MGAT4C: variants seen among roughly 807,000 people sequenced by gnomAD.
The protein encoded by MGAT4C is MGAT4 family member C.
In MGAT4C, 19 loss-of-function variants were observed where a neutral mutation model predicts 40.1. That is an observed-to-expected ratio of 0.47 (90% CI 0.33 to 0.70). MGAT4C has a LOEUF of 0.70. Ranked by LOEUF, MGAT4C falls within the 30% of genes least tolerant of loss-of-function variation. The probability of loss-of-function intolerance (pLI) is 0.02; values close to 1 mark genes in which losing one functional copy is unlikely to be tolerated. For missense variants in MGAT4C, 491 were observed against 563.2 expected (o/e 0.87, Z 1.30); for synonymous variants, 181 against 187.1 (o/e 0.97, Z 0.27).
At chr12:86,260,871 C>T (rs1952643727), upstream of MGAT4C, among the ~76,000 whole-genome samples, 1 of 151,766 alleles carries the variant, frequency 6.6e-6, no homozygotes, top group Admixed American at 6.6e-5. Flanking sequence ...AAATTTTTCC[C>T]ATATCCCATT....
chr12:86,642,220 C>A (rs951182556), intron 2 of MGAT4C, among the ~76,000 whole-genome samples: 2 of 151,748 alleles, frequency 1.3e-5, no homozygotes, highest in African/African-American at 4.8e-5. Flanking sequence ...ATTTGTTCAA[C>A]CTATTAGCTA....
chr12:86,498,161 G>GT (rs1301286965), intron 2 of MGAT4C, among the ~76,000 whole-genome samples: 1 of 150,874 alleles, frequency 6.6e-6, no homozygotes, highest in East Asian at 1.9e-4. Context: ...TGGGGCATTT[G>GT]TTTTTCCCTA....
chr12:86,107,611 C>G (rs1201723611), intron 1 of MGAT4C, among the ~76,000 whole-genome samples: 3 of 152,066 alleles, frequency 2.0e-5, no homozygotes, highest in Non-Finnish European at 4.4e-5. Context: ...AATTAGAGAA[C>G]AAAATGTACA....
chr12:86,358,709 A>C (rs948080885), intron 3 of MGAT4C, among the ~76,000 whole-genome samples: 3 of 152,202 alleles, frequency 2.0e-5, no homozygotes, highest in Admixed American at 6.5e-5. Context: ...TTAAACCAAC[A>C]AAGACCAAAA....
chr12:86,264,188 G>A (rs1161736292), intron 4 of MGAT4C, among the ~76,000 whole-genome samples: 3 of 151,826 alleles, frequency 2.0e-5, no homozygotes, highest in Non-Finnish European at 4.4e-5. Context: ...TTTAGTTTAA[G>A]TTCAGTTTGT....
At chr12:86,255,647 C>A (rs557204790) in intron 1 of MGAT4C, among the ~76,000 whole-genome samples, 2 of 152,064 alleles carry the variant, frequency 1.3e-5, no homozygotes, top group African/African-American at 4.8e-5. Context: ...CCCTTACATC[C>A]ATTCTTAAAA....
intron 4 of MGAT4C, among the ~76,000 whole-genome samples, chr12:86,275,944 C>CAAAAAAAAAAAA (rs748476574): frequency 4.3e-5 from 3 of 69,180 alleles, no homozygotes; most frequent in African/African-American, 5.4e-5. Context: ...ACTAAAAATC[C>CAAAAAAAAAAAA]AAAAAAAAAA....
intron 3 of MGAT4C, among the ~76,000 whole-genome samples, chr12:86,391,573 T>C (rs1020538215): frequency 6.6e-6 from 1 of 152,046 alleles, no homozygotes; most frequent in Non-Finnish European, 1.5e-5. Context: ...AAAGTTGGCA[T>C]TTAGGCCAGG....
chr12:85,997,157 G>T (rs893649523), intron 2 of MGAT4C, among the ~76,000 whole-genome samples: 4 of 152,148 alleles, frequency 2.6e-5, no homozygotes, highest in Non-Finnish European at 5.9e-5. Context: ...ATGGCAGCAG[G>T]CAAAGAGAGA....
intron 4 of MGAT4C, among the ~76,000 whole-genome samples, chr12:86,309,185 C>T (rs1954010308): frequency 6.6e-6 from 1 of 150,430 alleles, no homozygotes; most frequent in Admixed American, 6.6e-5. Context: ...GTATTTTGGC[C>T]TTTCTTTATA....
intron 3 of MGAT4C, among the ~76,000 whole-genome samples, chr12:86,413,073 T>A (rs1404861797): frequency 6.6e-6 from 1 of 152,166 alleles, no homozygotes; most frequent in Admixed American, 6.6e-5. Flanking sequence ...TAAACCGTGA[T>A]TTTTAACCTC....
At chr12:86,800,970 C>T (rs1952215007) in intron 1 of MGAT4C, among the ~76,000 whole-genome samples, 2 of 151,930 alleles carry the variant, frequency 1.3e-5, no homozygotes, top group South Asian at 4.1e-4. Context: ...ACCTACCATC[C>T]TTCAGGTGAT....
chr12:86,341,925 C>T lies in MGAT4C; in HGVS notation c.-119-7798G>A, dbSNP rs544389405. 1.1e-4 allele frequency among the ~76,000 whole-genome samples: 16 copies of T among 152,216 alleles called. No homozygotes were observed. The South Asian group carries it at 2.7e-3, about 26-fold the overall frequency. ...TTGCTGTTTGGGTGACTTAACCATT[C>T]GAGCCTTTGAGCATTGGAGTGCCTG... On this transcript the variant is annotated intron_variant, in intron 3 of 7. Transcript: ENST00000548651.
At chr12:85,981,534 AAT>A (rs1884604880) in intron 4 of MGAT4C, among the ~76,000 whole-genome samples, 1 of 152,206 alleles carries the variant, frequency 6.6e-6, no homozygotes, top group African/African-American at 2.4e-5. Context: ...ATTGAAACAC[AAT>A]ATGTTATCTA....
At chr12:86,053,441 GCAAA>G (rs1192852855) in intron 1 of MGAT4C, among the ~76,000 whole-genome samples, 5 of 151,826 alleles carry the variant, frequency 3.3e-5, no homozygotes, top group Admixed American at 6.6e-5. Context: ...ACACAGAAGA[GCAAA>G]CAGAGAAAGT....
chr12:86,402,029 C>A (rs1437988170), intron 3 of MGAT4C, among the ~76,000 whole-genome samples: 1 of 151,874 alleles, frequency 6.6e-6, no homozygotes, highest in Non-Finnish European at 1.5e-5. Flanking sequence ...ATGCCATATT[C>A]TATATTATTA....
At chr12:86,388,872 C>T (rs191543720) in intron 3 of MGAT4C, among the ~76,000 whole-genome samples, 52 of 151,762 alleles carry the variant, frequency 3.4e-4, no homozygotes, top group African/African-American at 1.2e-3. Context: ...TTAGTAAAGA[C>T]ATGGTTTCAC....
chr12:85,999,587 A>G (rs199550115), intron 2 of MGAT4C, among the ~76,000 whole-genome samples: 11,811 of 69,336 alleles, frequency 0.17, 1,032 homozygotes, highest in African/African-American at 0.34. Context: ...GTGTGTGTAT[A>G]TATATATATA....
rs894931667 is a variant in MGAT4C at position 86,732,771 on chromosome 12, G to A, written c.-261-5530C>T. ...GACCAGTATTGATCTGTGGCCCAGG[G>A]TTTGGAGACCCCTGTTTTAACATAT... On this transcript the variant is annotated intron_variant, in intron 1 of 7. Transcript: ENST00000548651. Among the ~76,000 whole-genome samples the A allele has an allele frequency of 5.3e-5, 8 of 150,316 alleles. No homozygotes were observed. The South Asian group carries it at 1.7e-3, about 32-fold the overall frequency.
Sources: allele counts gnomAD v4.1 joint callset (sites outside exome capture counted in the v4.1 genomes callset), GRCh38; gene constraint gnomAD v4.1.1; transcripts MANE v1.5; gene names NCBI Gene and HGNC (gene_info 2026-07-23, HGNC 2026-07-21).